MEMO1: variants seen among roughly 807,000 people sequenced by gnomAD.
The protein encoded by MEMO1 is protein MEMO1.
A neutral mutation model predicts 45.2 loss-of-function variants in MEMO1; 6 were observed. The observed-to-expected ratio is 0.13, with a 90% CI of 0.07 to 0.26. The LOEUF (loss-of-function observed/expected upper bound fraction) is 0.26. Among genes scored for constraint, MEMO1 ranks in the 10% least tolerant of loss-of-function variants. The probability of loss-of-function intolerance (pLI) is 1.00; values close to 1 mark genes in which losing one functional copy is unlikely to be tolerated. For missense variants in MEMO1, 184 were observed against 370.5 expected (o/e 0.50, Z 4.13); for synonymous variants, 78 against 124.3 (o/e 0.63, Z 2.48).
chr2:31,902,345 C>A (rs1482298118), intron 6 of MEMO1, among the ~76,000 whole-genome samples: 1 of 151,966 alleles, frequency 6.6e-6, no homozygotes, highest in Non-Finnish European at 1.5e-5. Flanking sequence ...TTGCGCTGAG[C>A]CGAGATCATG....
In MEMO1 at chr2:31,933,338, A is replaced by T. The variant is rs1459597616; in HGVS notation, c.144-1203T>A. ...TCTTTAAAAAAAAAAAAAAAAAAAA[A>T]AAAAAAAAAAATTTATATATATATA... On this transcript the variant is annotated intron_variant, in intron 3 of 9. Transcript: ENST00000404530. Among the ~76,000 whole-genome samples, 130 of 57,210 alleles carry T rather than the reference A, an allele frequency of 2.3e-3. 2 individuals carry two copies. Among genetic ancestry groups the T allele is most frequent in the African/African-American group, 9.9e-3 (125 of 12,680 alleles). The allele number at this position is 57,210 out of a possible 152,430, so 37.5% of individuals were successfully genotyped here. A position where few individuals can be genotyped will look rare whatever the true frequency, so the allele number is the denominator to read the frequency against.
intron 3 of MEMO1, among the ~76,000 whole-genome samples, chr2:31,937,670 A>G (rs1392568416): frequency 1.3e-5 from 2 of 152,208 alleles, no homozygotes; most frequent in East Asian, 3.8e-4. Flanking sequence ...GAAAAGTGGA[A>G]GTATCCTTTC....
At chr2:31,921,059 T>C in intron 4 of MEMO1, 149 bp from the exon 5 acceptor site, 1 of 563,116 alleles carries the variant, frequency 1.8e-6, no homozygotes, top group South Asian at 2.0e-5. Context: ...CCCTCCAAAA[T>C]TCACATGTTG....
chr2:31,935,315 G>A (rs899698439), intron 3 of MEMO1, among the ~76,000 whole-genome samples: 4 of 152,142 alleles, frequency 2.6e-5, no homozygotes, highest in Non-Finnish European at 5.9e-5. Flanking sequence ...GCCTGAAAAC[G>A]AGAATTCTTA....
intron 3 of MEMO1, among the ~76,000 whole-genome samples, chr2:31,939,270 TTTTATATG>T (rs1405619608): frequency 1.3e-5 from 2 of 152,186 alleles, no homozygotes; most frequent in South Asian, 2.1e-4. Context: ...ATATTTATGT[TTTTATATG>T]TTTATATGTT....
At chr2:31,971,614 A>C (rs67957236) in intron 2 of MEMO1, among the ~76,000 whole-genome samples, 19,251 of 152,124 alleles carry the variant, frequency 0.13, 1,347 homozygotes, top group Middle Eastern at 0.2. Flanking sequence ...AGGCTCAAAA[A>C]AACCTTCCAC....
chr2:31,889,696 T>C (rs1248578483), intron 7 of MEMO1, among the ~76,000 whole-genome samples: 4 of 152,072 alleles, frequency 2.6e-5, no homozygotes, highest in Non-Finnish European at 4.4e-5. Context: ...ATTATCTATG[T>C]TACACCTTTC....
At chr2:31,963,637 A>C (rs1375383366) in intron 2 of MEMO1, among the ~76,000 whole-genome samples, 1 of 152,240 alleles carries the variant, frequency 6.6e-6, no homozygotes, top group Admixed American at 6.5e-5. Flanking sequence ...ATAATAAATG[A>C]AGGTAGAAGG....
chr2:31,963,098 A>T (rs954919768), intron 2 of MEMO1: 39 of 1,411,520 alleles, frequency 2.8e-5, no homozygotes, highest in African/African-American at 4.3e-5. Flanking sequence ...GAGTCAACCA[A>T]CCCATCCTCA....
chr2:31,915,067 G>A (rs1309541051), intron 6 of MEMO1, among the ~76,000 whole-genome samples: 1 of 151,928 alleles, frequency 6.6e-6, no homozygotes, highest in Admixed American at 6.6e-5. Context: ...AGGAGGCAGA[G>A]GCTACAGTGA....
intron 8 of MEMO1, among the ~76,000 whole-genome samples, chr2:31,879,702 G>C (rs768149072): frequency 1.3e-5 from 2 of 152,032 alleles, no homozygotes; most frequent in Non-Finnish European, 2.9e-5. Context: ...AGATATTTTT[G>C]TTCTTTTCAT....
intron 3 of MEMO1, among the ~76,000 whole-genome samples, chr2:31,933,338 A>ATATATAT (rs1664446443): frequency 1.7e-5 from 1 of 57,244 alleles, no homozygotes; most frequent in African/African-American, 7.9e-5. Flanking sequence ...AAAAAAAAAA[A>ATATATAT]AAAAAAAAAA....
intron 6 of MEMO1, among the ~76,000 whole-genome samples, chr2:31,916,353 C>T (rs1015999025): frequency 6.6e-6 from 1 of 152,026 alleles, no homozygotes; most frequent in African/African-American, 2.4e-5. Flanking sequence ...CCCAGCCTCC[C>T]AAGTAGCTGG....
rs1233058447 is a variant in MEMO1, at chr2:31,969,365, G to GTA, written c.62-25984_62-25983dup. Among the ~76,000 whole-genome samples the GTA allele has an allele frequency of 4.7e-5, 7 of 149,260 alleles. No homozygotes were observed. In the East Asian group the frequency reaches 7.8e-4, roughly 17 times the overall value. On this transcript the variant is annotated intron_variant, in intron 2 of 9. Coordinates refer to ENST00000404530, the MANE Select transcript of MEMO1 (RefSeq NM_001301833.4). ...CACATTATACATATATATGTTACGT[G>GTA]TATATATATACACATGTGTATATAT... is the stretch of plus-strand genomic sequence containing the variant.
rs114754645 is a variant in MEMO1 at position 31,927,925 on chromosome 2, A to G, written c.212+4142T>C. Among the ~76,000 whole-genome samples the G allele has an allele frequency of 6.7e-3, 1,021 of 152,278 alleles. 8 individuals carry two copies. The highest frequency in any genetic ancestry group is 0.024 in the African/African-American group (986 of 41,564). On this transcript the variant is annotated intron_variant, in intron 4 of 9. Coordinates refer to ENST00000404530, the MANE Select transcript of MEMO1 (RefSeq NM_001301833.4). Reference sequence around the variant, plus strand: ...AATTAAATTTTTAGCTTTTAATAAGATATCTATATTCATTATCATATGCTT... The same window carrying G: ...AATTAAATTTTTAGCTTTTAATAAGGTATCTATATTCATTATCATATGCTT...
At chr2:31,966,477 T>G (rs1668623885) in intron 2 of MEMO1, among the ~76,000 whole-genome samples, 1 of 152,188 alleles carries the variant, frequency 6.6e-6, no homozygotes, top group South Asian at 2.1e-4. Flanking sequence ...ACGCCTATAA[T>G]CCTAGCCCTT....
chr2:31,925,492 A>AAAAAAAAAAAG (rs1558507956), intron 4 of MEMO1, among the ~76,000 whole-genome samples: 1 of 133,844 alleles, frequency 7.5e-6, no homozygotes, highest in African/African-American at 2.6e-5. Context: ...AAAAAAAAAA[A>AAAAAAAAAAAG]AAAAAAATCT....
intron 6 of MEMO1, among the ~76,000 whole-genome samples, chr2:31,911,301 T>C (rs921985197): frequency 3.6e-4 from 55 of 152,128 alleles, no homozygotes; most frequent in African/African-American, 1.2e-3. Flanking sequence ...TTCCCAACTG[T>C]AGGACATTCA....
chr2:31,929,773 G>A (rs922071280), intron 4 of MEMO1, among the ~76,000 whole-genome samples: 15 of 152,206 alleles, frequency 9.9e-5, no homozygotes, highest in African/African-American at 3.4e-4. Context: ...AGAATAGAAA[G>A]TGGTAGTATA....
Sources: allele counts gnomAD v4.1 joint callset (sites outside exome capture counted in the v4.1 genomes callset), GRCh38; gene constraint gnomAD v4.1.1; transcripts MANE v1.5; gene names NCBI Gene and HGNC (gene_info 2026-07-23, HGNC 2026-07-21).